Variants in ADGRL3 observed in about 807,000 individuals in gnomAD.
ADGRL3 encodes adhesion G protein-coupled receptor L3.
In ADGRL3, 62 loss-of-function variants were observed where a neutral mutation model predicts 153.5. The ratio of observed to expected loss-of-function variants is 0.40; its 90% CI spans 0.33 to 0.50. The LOEUF (loss-of-function observed/expected upper bound fraction) is 0.50. ADGRL3 is among the 20% of genes least tolerant of loss of function. The pLI is 0.47. For synonymous variants in ADGRL3, 710 were observed against 672.5 expected (o/e 1.06, Z -0.86); for missense variants, 1,641 against 1,859.4 (o/e 0.88, Z 2.16).
chr4:61,555,090 C>T (rs538165184), intron 4 of ADGRL3, among the ~76,000 whole-genome samples: 6 of 152,144 alleles, frequency 3.9e-5, no homozygotes, highest in East Asian at 1.9e-4. Flanking sequence ...ATTTCCTTTA[C>T]GAATATTAAT....
chr4:61,722,187 G>A (rs78692500), intron 6 of ADGRL3, among the ~76,000 whole-genome samples: 1 of 152,166 alleles, frequency 6.6e-6, no homozygotes, highest in African/African-American at 2.4e-5. Flanking sequence ...TTTATGGATT[G>A]TGAAGGCAGA....
intron 9 of ADGRL3, among the ~76,000 whole-genome samples, chr4:61,888,687 A>G (rs1462860179): frequency 2.0e-5 from 3 of 152,170 alleles, no homozygotes; most frequent in South Asian, 2.1e-4. Context: ...CTGCTTGTAG[A>G]CATCTCTCTG....
intron 19 of ADGRL3, among the ~76,000 whole-genome samples, chr4:61,992,393 C>T (rs55897724): frequency 0.018 from 2,716 of 152,248 alleles, 90 homozygotes; most frequent in African/African-American, 0.062. Context: ...TTCTTCTCCA[C>T]CTTAAAGGCT....
chr4:61,463,577 A>G (rs911078544), intron 2 of ADGRL3, among the ~76,000 whole-genome samples: 1 of 152,176 alleles, frequency 6.6e-6, no homozygotes, highest in East Asian at 1.9e-4. Flanking sequence ...TTGGGTGGGG[A>G]CATAGAGCCA....
intron 17 of ADGRL3, among the ~76,000 whole-genome samples, chr4:61,964,566 A>G (rs1014704435): frequency 6.6e-6 from 1 of 152,096 alleles, no homozygotes; most frequent in Non-Finnish European, 1.5e-5. Flanking sequence ...ATAACTACAT[A>G]TAACTTCCCA....
At chr4:61,951,947 C>T (rs1381350148) in intron 17 of ADGRL3, among the ~76,000 whole-genome samples, 3 of 151,934 alleles carry the variant, frequency 2.0e-5, no homozygotes, top group Non-Finnish European at 4.4e-5. Flanking sequence ...GTGTCTAGGG[C>T]GTAGACAAGG....
At chr4:62,051,266 C>A (rs1048816960) in intron 25 of ADGRL3, among the ~76,000 whole-genome samples, 5 of 149,530 alleles carry the variant, frequency 3.3e-5, no homozygotes, top group Non-Finnish European at 6.0e-5. Flanking sequence ...AATAAAGAAG[C>A]CTGTGTTAGG....
At chr4:61,831,411 T>TAAAAAAAAAAAAAAAAAAAAAAAAA (rs1166970099) in intron 9 of ADGRL3, among the ~76,000 whole-genome samples, 1 of 37,274 alleles carries the variant, frequency 2.7e-5, no homozygotes, top group Non-Finnish European at 4.7e-5. Context: ...AGATGCTAAG[T>TAAAAAAAAAAAAAAAAAAAAAAAAA]AAAAAAAAAA....
At chr4:61,778,583 T>C (rs1361608346) in intron 8 of ADGRL3, among the ~76,000 whole-genome samples, 1 of 152,206 alleles carries the variant, frequency 6.6e-6, no homozygotes, top group Non-Finnish European at 1.5e-5. Context: ...TTTTTTAAAA[T>C]TTATCCAACT....
chr4:61,522,286 GTAATC>G (rs919402099), intron 4 of ADGRL3, among the ~76,000 whole-genome samples: 2 of 152,076 alleles, frequency 1.3e-5, no homozygotes, highest in African/African-American at 4.8e-5. Context: ...ATAACAAAGA[GTAATC>G]TCCCTGTGTC....
intron 4 of ADGRL3, among the ~76,000 whole-genome samples, chr4:61,581,687 C>T (rs1314284212): frequency 6.6e-6 from 1 of 152,140 alleles, no homozygotes; most frequent in East Asian, 1.9e-4. Context: ...TGATGAAGAT[C>T]ACTCTTCTGA....
chr4:61,235,868 GTTAT>G (rs762956540), intron 1 of ADGRL3, among the ~76,000 whole-genome samples: 31 of 152,202 alleles, frequency 2.0e-4, no homozygotes, highest in Admixed American at 1.4e-3. Flanking sequence ...CCCTGTGAAG[GTTAT>G]TTGTCATTGT....
intron 22 of ADGRL3, among the ~76,000 whole-genome samples, chr4:62,029,195 C>A (rs1720567304): frequency 6.6e-6 from 1 of 151,572 alleles, no homozygotes; most frequent in African/African-American, 2.4e-5. Context: ...TGATGTGTTC[C>A]TCTGTGCCAC....
chr4:61,968,207 A>G (rs1001495100), intron 17 of ADGRL3, among the ~76,000 whole-genome samples: 2 of 152,210 alleles, frequency 1.3e-5, no homozygotes, highest in African/African-American at 4.8e-5. Flanking sequence ...TACGTGAGAA[A>G]TTCCTGTTTA....
intron 25 of ADGRL3, among the ~76,000 whole-genome samples, chr4:62,047,937 T>C (rs1372281328): frequency 1.3e-5 from 2 of 152,136 alleles, no homozygotes; most frequent in Non-Finnish European, 2.9e-5. Flanking sequence ...TGGTTGATTA[T>C]AGAGAGTTTC....
chr4:61,711,991 A>T (rs1012113719), intron 6 of ADGRL3, among the ~76,000 whole-genome samples: 20 of 150,192 alleles, frequency 1.3e-4, no homozygotes, highest in African/African-American at 4.9e-4. Context: ...TCAGGGAAAA[A>T]CATGTTTGAG....
At chr4:61,467,475 G>GGT (rs1422036191) in intron 2 of ADGRL3, among the ~76,000 whole-genome samples, 109 of 150,970 alleles carry the variant, frequency 7.2e-4, no homozygotes, top group African/African-American at 1.5e-3. Flanking sequence ...TTCAGATGTG[G>GGT]GTGTGTGTGT....
At chr4:61,693,320 A>C (rs977201009) in intron 6 of ADGRL3, among the ~76,000 whole-genome samples, 2 of 152,066 alleles carry the variant, frequency 1.3e-5, no homozygotes, top group African/African-American at 4.8e-5. Context: ...AAAGCTTCAG[A>C]GTAATGAATA....
rs994889765 is a variant in ADGRL3 at position 61,636,899 on chromosome 4, G to T, written c.474-39927G>T. ...ATAATAACAATATAATGTGTTTATG[G>T]CATATATAAAAGTAAAACGTAACAG... On this transcript the variant is annotated intron_variant, in intron 5 of 26. Coordinates refer to ENST00000683033, the MANE Select transcript of ADGRL3 (RefSeq NM_001387552.1). Among the ~76,000 whole-genome samples, 8 of 151,812 alleles carry T rather than the reference G, an allele frequency of 5.3e-5. No homozygotes were observed. In the East Asian group the frequency reaches 1.5e-3, roughly 29 times the overall value.
Sources: gnomAD v4.1 joint callset for allele counts (sites outside exome capture counted in the v4.1 genomes callset) on GRCh38, gnomAD v4.1.1 for gene constraint, MANE v1.5 for transcripts, NCBI Gene and HGNC (gene_info 2026-07-23, HGNC 2026-07-21) for gene names.